The following FAM168A variants were observed in gnomAD, a reference collection of about 807,000 sequenced individuals.
The protein encoded by FAM168A is family with sequence similarity 168 member A, also known as protein FAM168A.
In FAM168A, 3 loss-of-function variants were observed where a neutral mutation model predicts 28.5. The ratio of observed to expected loss-of-function variants is 0.11; its 90% CI spans 0.05 to 0.27. The LOEUF is 0.27. Among genes scored for constraint, FAM168A ranks in the 10% least tolerant of loss-of-function variants. The pLI is 1.00. For synonymous variants in FAM168A, 122 were observed against 124.2 expected (o/e 0.98, Z 0.12); for missense variants, 222 against 311.5 (o/e 0.71, Z 2.16).
In FAM168A at chr11:73,406,620, A is replaced by C. The variant is rs1002484746; in HGVS notation, c.*143T>G. 4.6e-5 allele frequency: 7 copies of C among 152,636 alleles called. No homozygotes were observed. The highest frequency in any genetic ancestry group is 1.7e-4 in the African/African-American group (7 of 41,440). The allele number at this position is 152,636 out of a possible 1,614,324, so 9.5% of individuals were successfully genotyped here. A position where few individuals can be genotyped will look rare whatever the true frequency, so the allele number is the denominator to read the frequency against. On this transcript the variant is annotated 3_prime_UTR_variant, in exon 8 of 8. Coordinates refer to ENST00000356467, the MANE Select transcript of FAM168A (RefSeq NM_015159.3). ...CCAAAAATAAAAATCAAAACCATTA[A>C]AGATGCATAAAGTGACCCTTGCACT...
intron 1 of FAM168A, among the ~76,000 whole-genome samples, chr11:73,535,418 CTTT>C (rs557433454): frequency 3.3e-4 from 43 of 132,256 alleles, no homozygotes; most frequent in African/African-American, 5.4e-4. Context: ...TTCTTTCTTT[CTTT>C]TTTTTTTTTT....
chr11:73,490,343 G>A (rs1006269042), intron 1 of FAM168A, among the ~76,000 whole-genome samples: 2 of 152,150 alleles, frequency 1.3e-5, no homozygotes, highest in African/African-American at 2.4e-5. Flanking sequence ...CAACACAGCA[G>A]CCAGAGTGGC....
chr11:73,584,469 CTTTTTTTT>C (rs1162075797), intron 1 of FAM168A, among the ~76,000 whole-genome samples: 2 of 128,280 alleles, frequency 1.6e-5, no homozygotes, highest in African/African-American at 6.2e-5. Flanking sequence ...GGCCCACTGA[CTTTTTTTT>C]TTTTTTTTTT....
At chr11:73,431,149 C>T (rs1207417518) in intron 2 of FAM168A, among the ~76,000 whole-genome samples, 3 of 152,098 alleles carry the variant, frequency 2.0e-5, no homozygotes, top group Non-Finnish European at 2.9e-5. Context: ...CAAGACCAGC[C>T]TGGCCAAGAT....
At chr11:73,489,512 T>TTG (rs1397148166) in intron 1 of FAM168A, among the ~76,000 whole-genome samples, 1 of 146,948 alleles carries the variant, frequency 6.8e-6, no homozygotes, top group African/African-American at 2.5e-5. Flanking sequence ...ATCCCCCACT[T>TTG]TTTTTTTTTT....
At chr11:73,414,114 A>C (rs1866661132) in intron 4 of FAM168A, among the ~76,000 whole-genome samples, 1 of 152,226 alleles carries the variant, frequency 6.6e-6, no homozygotes, top group South Asian at 2.1e-4. Context: ...GAGTATGTAC[A>C]AGACTGTATT....
chr11:73,506,640 T>C (rs992197045), intron 1 of FAM168A, among the ~76,000 whole-genome samples: 1 of 152,160 alleles, frequency 6.6e-6, no homozygotes, highest in African/African-American at 2.4e-5. Flanking sequence ...AAGCAGAGAA[T>C]AGACAAGATA....
chr11:73,439,813 C>G (rs1487587334), intron 2 of FAM168A, among the ~76,000 whole-genome samples: 1 of 149,188 alleles, frequency 6.7e-6, no homozygotes, highest in African/African-American at 2.5e-5. Flanking sequence ...TAAAACAGAT[C>G]AAAGAGCAAG....
In FAM168A at chr11:73,411,478, G is replaced by A. The variant is rs752885398; in HGVS notation, c.336C>T (p.Pro112=). ...VPPTQSNTAP[P]PYSPSPNPYQ... is the part of the protein sequence containing the mutation. ...AGGGGTTGGGTGATGGGGAGTAGGG[G>A]GGTGGAGCAGTGTTACTCTGGGTCG... Residue 112 remains proline (P), a synonymous_variant, in exon 5 of 8, where the codon CCC becomes CCT. Coordinates refer to ENST00000356467, the MANE Select transcript of FAM168A (RefSeq NM_015159.3). 5 of 1,613,878 alleles carry A rather than the reference G, an allele frequency of 3.1e-6. No homozygotes were observed. Among genetic ancestry groups the A allele is most frequent in the South Asian group, 1.1e-5 (1 of 91,078 alleles).
chr11:73,409,479 G>A lies in FAM168A; in HGVS notation c.595+8C>T, dbSNP rs1046318280. ...AGGGATGGACACTGATGCAGATGCT[G>A]CCCTCACCTGCTGACATTGCCATGG... On this transcript the variant is annotated splice_region_variant and intron_variant, in intron 6 of 7. Transcript: ENST00000356467. 10 of 1,613,358 alleles carry A rather than the reference G, an allele frequency of 6.2e-6. No individual in the cohort carries two copies. The highest frequency in any genetic ancestry group is 6.8e-6 in the Non-Finnish European group (8 of 1,179,766).
At chr11:73,589,859 G>A (rs534908606) in intron 1 of FAM168A, among the ~76,000 whole-genome samples, 11 of 152,052 alleles carry the variant, frequency 7.2e-5, no homozygotes, top group African/African-American at 1.7e-4. Context: ...CCCAGGAGGC[G>A]GAGGTTGCAG....
chr11:73,589,333 T>C (rs1944353437), intron 1 of FAM168A, among the ~76,000 whole-genome samples: 1 of 152,128 alleles, frequency 6.6e-6, no homozygotes, highest in African/African-American at 2.4e-5. Context: ...CTCAGTGATA[T>C]GGTTCAGACT....
rs34994742 is a variant in FAM168A at position 73,433,076 on chromosome 11, C to CTTTTTTTTTTTTTT, written c.71-2320_71-2307dup. On this transcript the variant is annotated intron_variant, in intron 2 of 7. Coordinates refer to ENST00000356467, the MANE Select transcript of FAM168A (RefSeq NM_015159.3). ...ACAGGTGCGTGCCACCACGCCCCGC[C>CTTTTTTTTTTTTTT]TTTTTTTTTTTTTTTTTTTTTTTTT... Among the ~76,000 whole-genome samples the CTTTTTTTTTTTTTT allele has an allele frequency of 2.7e-4, 22 of 80,602 alleles. 1 individual carries two copies. Among genetic ancestry groups the CTTTTTTTTTTTTTT allele is most frequent in the African/African-American group, 6.8e-4 (10 of 14,700 alleles). 52.9% of individuals were successfully genotyped at this position (80,602 alleles called of 152,430 possible).
chr11:73,566,322 T>C (rs1380339402), intron 1 of FAM168A, among the ~76,000 whole-genome samples: 1 of 152,214 alleles, frequency 6.6e-6, no homozygotes, highest in Non-Finnish European at 1.5e-5. Context: ...AGGGGATGCA[T>C]TTTTTTCTAA....
chr11:73,524,551 A>G (rs1287718389), intron 1 of FAM168A, among the ~76,000 whole-genome samples: 2 of 151,646 alleles, frequency 1.3e-5, no homozygotes, highest in Non-Finnish European at 2.9e-5. Flanking sequence ...TTTTCATTCT[A>G]CCTTATTTTT....
chr11:73,499,320 A>G (rs940078827), intron 1 of FAM168A, among the ~76,000 whole-genome samples: 2 of 152,224 alleles, frequency 1.3e-5, no homozygotes, highest in Admixed American at 1.3e-4. Context: ...AGCAACAACA[A>G]CAGCATCAAC....
chr11:73,484,614 A>ATCTATATATAGATATCTATATCGATATC, intron 1 of FAM168A, among the ~76,000 whole-genome samples: 1 of 118,932 alleles, frequency 8.4e-6, no homozygotes, highest in Non-Finnish European at 1.9e-5. Flanking sequence ...ATATCGATAT[A>ATCTATATATAGATATCTATATCGATATC]TATCTATATA....
chr11:73,580,276 A>T, intron 1 of FAM168A: 2 of 561,302 alleles, frequency 3.6e-6, no homozygotes, highest in Non-Finnish European at 7.1e-6. Context: ...GCTGAAGGGG[A>T]TGCTAAAGGA....
chr11:73,523,863 T>TA (rs1246957387), intron 1 of FAM168A, among the ~76,000 whole-genome samples: 1 of 7,830 alleles, frequency 1.3e-4, no homozygotes, highest in African/African-American at 5.3e-4. Flanking sequence ...TCTTTTCCCC[T>TA]ATTTTTTTTT....
Sources: allele counts gnomAD v4.1 joint callset (sites outside exome capture counted in the v4.1 genomes callset), GRCh38; gene constraint gnomAD v4.1.1; transcripts MANE v1.5; gene names NCBI Gene and HGNC (gene_info 2026-07-23, HGNC 2026-07-21).